TCF4: variants seen among roughly 807,000 people sequenced by gnomAD.
The protein encoded by TCF4 is transcription factor 4, also known as SL3-3 enhancer factor 2.
In TCF4, 3 loss-of-function variants were observed where a neutral mutation model predicts 82.1. The ratio of observed to expected loss-of-function variants is 0.04; its 90% CI spans 0.02 to 0.09. The LOEUF (loss-of-function observed/expected upper bound fraction) is 0.09. TCF4 is among the 10% of genes least tolerant of loss of function. The pLI is 1.00. For missense variants in TCF4, 518 were observed against 852.7 expected, an observed-to-expected ratio of 0.61 and a Z score of 4.89; for synonymous variants, 276 against 309.6, an observed-to-expected ratio of 0.89 and a Z score of 1.14.
intron 5 of TCF4, among the ~76,000 whole-genome samples, chr18:55,444,911 G>C (rs147212633): frequency 2.8e-4 from 42 of 152,254 alleles, no homozygotes; most frequent in African/African-American, 9.6e-4. Context: ...ACACCAAGAA[G>C]CCAAGGACGA....
chr18:55,601,439 A>G (rs565212365), intron 2 of TCF4, among the ~76,000 whole-genome samples: 1 of 148,142 alleles, frequency 6.8e-6, no homozygotes, highest in South Asian at 2.2e-4. Context: ...GCCCAACTGG[A>G]CTTCTGATTT....
At chr18:55,524,150 G>A (rs2096957660) in intron 3 of TCF4, among the ~76,000 whole-genome samples, 1 of 151,998 alleles carries the variant, frequency 6.6e-6, no homozygotes, top group East Asian at 1.9e-4. Flanking sequence ...TGAGTATACA[G>A]AAGAAAAATG....
chr18:55,559,694 T>C (rs1007991589), intron 3 of TCF4, among the ~76,000 whole-genome samples: 5 of 152,092 alleles, frequency 3.3e-5, no homozygotes, highest in African/African-American at 1.2e-4. Context: ...CCTAGTGCCT[T>C]GATTTGGGCT....
chr18:55,495,556 T>C (rs771425760), intron 3 of TCF4: 3 of 152,094 alleles, frequency 2.0e-5, no homozygotes, highest in African/African-American at 7.2e-5. Context: ...AAAAGAAAAA[T>C]GTGAAGCTAA....
intron 6 of TCF4, among the ~76,000 whole-genome samples, chr18:55,361,411 TC>T (rs2085159365): frequency 6.6e-6 from 1 of 152,200 alleles, no homozygotes; most frequent in Admixed American, 6.5e-5. Context: ...TCTCTTCCCT[TC>T]CCTGCAGCCT....
intron 2 of TCF4, among the ~76,000 whole-genome samples, chr18:55,603,456 TAA>T (rs1226432259): frequency 4.6e-5 from 7 of 152,180 alleles, no homozygotes; most frequent in Non-Finnish European, 1.0e-4. Context: ...ACTTAAGAAT[TAA>T]GTTAGGTATT....
At chr18:55,480,484 G>A (rs773508066) in intron 3 of TCF4, among the ~76,000 whole-genome samples, 2 of 152,090 alleles carry the variant, frequency 1.3e-5, no homozygotes, top group Non-Finnish European at 2.9e-5. Context: ...AACAAACATA[G>A]CAGAATTTTT....
intron 6 of TCF4, among the ~76,000 whole-genome samples, chr18:55,389,884 C>T (rs937579623): frequency 1.3e-5 from 2 of 151,712 alleles, no homozygotes; most frequent in Non-Finnish European, 2.9e-5. Context: ...ATCTTGCAAG[C>T]AGAATTGATG....
At chr18:55,299,261 A>C (rs563535120) in intron 8 of TCF4, among the ~76,000 whole-genome samples, 31 of 151,936 alleles carry the variant, frequency 2.0e-4, no homozygotes, top group African/African-American at 7.2e-4. Flanking sequence ...AAATACAAAA[A>C]ATTAGCCAGG....
intron 13 of TCF4, among the ~76,000 whole-genome samples, chr18:55,258,078 C>T (rs572612961): frequency 6.6e-6 from 1 of 152,090 alleles, no homozygotes; most frequent in South Asian, 2.1e-4. Context: ...TTGGAAAATA[C>T]ATAATTCAAA....
intron 3 of TCF4, among the ~76,000 whole-genome samples, chr18:55,567,453 G>C (rs2097419796): frequency 6.6e-6 from 1 of 152,134 alleles, no homozygotes. Context: ...AGCAAATGTA[G>C]AGATGACTTT....
chr18:55,605,811 C>T (rs111981289), intron 2 of TCF4, among the ~76,000 whole-genome samples: 2 of 152,294 alleles, frequency 1.3e-5, no homozygotes, highest in African/African-American at 4.8e-5. Context: ...AGGCAAATAA[C>T]CTAAGAAGCG....
chr18:55,538,386 T>C (rs1400433366), intron 3 of TCF4, among the ~76,000 whole-genome samples: 3 of 152,210 alleles, frequency 2.0e-5, no homozygotes, highest in Non-Finnish European at 4.4e-5. Flanking sequence ...AAGACTAGGA[T>C]CCTTTCAAGG....
Position 55,378,191 on chromosome 18 carries a change from C to T in TCF4, c.369+25263G>A, listed in dbSNP as rs1283155774. On this transcript the variant is annotated intron_variant, in intron 6 of 19. Coordinates refer to ENST00000354452, the MANE Select transcript of TCF4 (RefSeq NM_001083962.2). ...AAAGTTTCCCTAAGAATACTTGACC[C>T]ACAGATTGAGAAACAACGACCTCTT... Among the ~76,000 whole-genome samples the T allele has an allele frequency of 2.0e-5, 3 of 152,232 alleles. No individual in the cohort carries two copies. In the East Asian group the frequency reaches 5.8e-4, roughly 29 times the overall value.
intron 8 of TCF4, among the ~76,000 whole-genome samples, chr18:55,323,694 T>C (rs530889233): frequency 1.3e-5 from 2 of 152,218 alleles, no homozygotes; most frequent in South Asian, 4.1e-4. Flanking sequence ...CACTGCTTAA[T>C]ACACAAGGCC....
At chr18:55,555,702 G>A (rs569204952) in intron 3 of TCF4, among the ~76,000 whole-genome samples, 3 of 152,266 alleles carry the variant, frequency 2.0e-5, no homozygotes, top group Non-Finnish European at 2.9e-5. Context: ...TAAAACTGAG[G>A]TAGAGAAGTC....
chr18:55,588,587 C>A, upstream of TCF4: 1 of 1,520,298 alleles, frequency 6.6e-7, no homozygotes, highest in Non-Finnish European at 8.8e-7. Context: ...TCACTTCTTT[C>A]TTTCTCTTAC....
chr18:55,435,758 G>A (rs540775686), intron 5 of TCF4, among the ~76,000 whole-genome samples: 1 of 152,284 alleles, frequency 6.6e-6, no homozygotes, highest in South Asian at 2.1e-4. Context: ...CTGGCTGGCT[G>A]TTTTCCTGAT....
intron 3 of TCF4, among the ~76,000 whole-genome samples, chr18:55,541,556 G>C (rs552141671): frequency 5.3e-5 from 8 of 151,956 alleles, no homozygotes; most frequent in Non-Finnish European, 4.4e-5. Flanking sequence ...TATATCCTAA[G>C]CATATTTCTC....
Sources: gnomAD v4.1 joint callset for allele counts (sites outside exome capture counted in the v4.1 genomes callset) on GRCh38, gnomAD v4.1.1 for gene constraint, MANE v1.5 for transcripts, NCBI Gene and HGNC (gene_info 2026-07-23, HGNC 2026-07-21) for gene names.